LY75: variants seen among roughly 807,000 people sequenced by gnomAD.
LY75 encodes the protein lymphocyte antigen 75.
In LY75, 185 loss-of-function variants were observed where a neutral mutation model predicts 231.7. The observed-to-expected ratio is 0.80, with a 90% CI of 0.71 to 0.90. LY75 has a LOEUF of 0.90. Ranked by LOEUF, LY75 falls within the 40% of genes least tolerant of loss-of-function variation. The pLI, the probability that LY75 is intolerant of heterozygous loss-of-function variation, is 0.00. For synonymous variants in LY75, 668 were observed against 689.0 expected (o/e 0.97, Z 0.48); for missense variants, 1,947 against 2,050.2 (o/e 0.95, Z 0.97).
At chr2:159,833,895 CTT>C (rs1683740235) in intron 27 of LY75, 147 bp downstream of exon 27, 2 of 830,318 alleles carry the variant, frequency 2.4e-6, no homozygotes, top group African/African-American at 3.5e-5. Flanking sequence ...GTAAACATGT[CTT>C]TGCTTCTCCT....
chr2:159,894,100 A>G lies in LY75; in HGVS notation c.467-16T>C, dbSNP rs761453148. On this transcript the variant is annotated splice_polypyrimidine_tract_variant and intron_variant, in intron 2 of 34. Transcript: ENST00000263636. ...GTATAGATCTCTGGGTTGGAGAGGAAGTTGGGGAAAAGAGAGTTAAAAACT... is the reference window on the plus strand; with the variant it reads ...GTATAGATCTCTGGGTTGGAGAGGAGGTTGGGGAAAAGAGAGTTAAAAACT... 1 of 1,578,126 alleles carries G rather than the reference A, an allele frequency of 6.3e-7. No homozygotes were observed. The highest frequency in any genetic ancestry group is 1.9e-5 in the Admixed American group (1 of 52,650).
At chr2:159,885,932 C>T (rs1373149173) in intron 5 of LY75, among the ~76,000 whole-genome samples, 1 of 152,086 alleles carries the variant, frequency 6.6e-6, no homozygotes, top group African/African-American at 2.4e-5. Flanking sequence ...TGGCATTTTG[C>T]TTGTTTTATT....
intron 33 of LY75, chr2:159,807,546 T>C (rs1478639609): frequency 1.6e-5 from 13 of 791,520 alleles, no homozygotes; most frequent in Admixed American, 6.3e-5. Context: ...GATATGCTGG[T>C]GGAAGAGGAA....
intron 33 of LY75, chr2:159,807,933 G>A (rs2125826317): frequency 1.0e-6 from 1 of 978,828 alleles, no homozygotes; most frequent in Non-Finnish European, 1.2e-6. Flanking sequence ...AATGGCAAAA[G>A]CTGCAATTAC....
intron 19 of LY75, 70 bp downstream of exon 19, chr2:159,853,560 C>G: frequency 1.2e-6 from 2 of 1,600,812 alleles, no homozygotes; most frequent in Non-Finnish European, 1.7e-6. Flanking sequence ...AAATAGAAAT[C>G]CATTTAGTAA....
intron 2 of LY75, among the ~76,000 whole-genome samples, chr2:159,896,541 A>G (rs1203673536): frequency 6.6e-6 from 1 of 152,196 alleles, no homozygotes; most frequent in African/African-American, 2.4e-5. Flanking sequence ...GGACTTGGGT[A>G]TCTTGTATGT....
chr2:159,881,284 T>C (rs1211555279), intron 7 of LY75, 44 bp from the exon 8 acceptor site: 2 of 1,581,508 alleles, frequency 1.3e-6, no homozygotes, highest in African/African-American at 1.4e-5. Context: ...CTCAATTAAA[T>C]ACTGTAATAT....
At chr2:159,853,570 A>C in intron 19 of LY75, 60 bp downstream of exon 19, 1 of 1,608,194 alleles carries the variant, frequency 6.2e-7, no homozygotes, top group African/African-American at 1.3e-5. Context: ...CCATTTAGTA[A>C]AAGGAACTGC....
At chr2:159,859,473 C>G in intron 15 of LY75, among the ~76,000 whole-genome samples, 1 of 152,178 alleles carries the variant, frequency 6.6e-6, no homozygotes, top group Non-Finnish European at 1.5e-5. Flanking sequence ...AAATCCACTT[C>G]TTGGCCCTTT....
At chr2:159,885,009 G>T in intron 6 of LY75, 144 bp downstream of exon 6, 1 of 1,091,098 alleles carries the variant, frequency 9.2e-7, no homozygotes, top group South Asian at 1.9e-5. Flanking sequence ...CTAACCACAG[G>T]GTTAAAAATC....
At chr2:159,807,601 A>G (rs1364576134) in intron 33 of LY75, 2 of 984,250 alleles carry the variant, frequency 2.0e-6, no homozygotes, top group Non-Finnish European at 2.4e-6. Context: ...CACCACCACC[A>G]GGACTCCATT....
intron 32 of LY75, among the ~76,000 whole-genome samples, chr2:159,809,144 C>T (rs1217551477): frequency 6.6e-6 from 1 of 152,188 alleles, no homozygotes; most frequent in Non-Finnish European, 1.5e-5. Flanking sequence ...TTCAATCAGT[C>T]AAGTGTCTCC....
intron 31 of LY75, chr2:159,814,076 C>T (rs764230780): frequency 5.3e-5 from 8 of 152,104 alleles, no homozygotes; most frequent in African/African-American, 1.7e-4. Context: ...TTGAATCTGC[C>T]GTTCAAGATT....
At chr2:159,877,028 A>AAAAAAAAAAG (rs1553810533) in intron 11 of LY75, among the ~76,000 whole-genome samples, 2 of 117,160 alleles carry the variant, frequency 1.7e-5, no homozygotes, top group Non-Finnish European at 3.6e-5. Context: ...AAAAAAAAAA[A>AAAAAAAAAAG]AAAAAAGAAA....
Position 159,835,493 on chromosome 2 carries a change from G to T in LY75, c.3660C>A (p.Cys1220Ter). Residue 1220 changes from cysteine (C) to a stop codon, truncating the protein, a stop_gained, in exon 26 of 35, where the codon TGC (cysteine) becomes TGA (stop). Coordinates refer to ENST00000263636, the MANE Select transcript of LY75 (RefSeq NM_002349.4). LOFTEE classifies it high-confidence loss of function. ...DCNDNQPGAI[C>*]YYSGNETEKE... ...AAATTCACATACTTCCTGAATAGTA[G>T]CAAATAGCACCTGGTTGATTGTCAT... is the stretch of plus-strand genomic sequence containing the variant. The T allele has an allele frequency of 6.2e-7, 1 of 1,605,066 alleles. No individual in the cohort carries two copies. The highest frequency in any genetic ancestry group is 1.1e-5 in the South Asian group (1 of 88,198).
Position 159,850,146 on chromosome 2 carries a change from A to G in LY75, c.2990-6T>C. On this transcript the variant is annotated splice_polypyrimidine_tract_variant and splice_region_variant and intron_variant, in intron 22 of 34. Transcript: ENST00000263636. The stretch of plus-strand genomic sequence containing the variant: ...AAGCAAGGATGTAATAAAGTCTGTT[A>G]GAAAGAGATTTTTAAAAAGCATTTG... 6.3e-7 allele frequency: 1 copy of G among 1,590,288 alleles called. No individual in the cohort carries two copies.
intron 14 of LY75, among the ~76,000 whole-genome samples, chr2:159,864,114 A>C (rs2125862616): frequency 6.6e-6 from 1 of 152,298 alleles, no homozygotes; most frequent in Non-Finnish European, 1.5e-5. Flanking sequence ...TTGTTAAGTG[A>C]TGTACGACTG....
At chr2:159,868,624 A>C (rs1684921301) in intron 13 of LY75, among the ~76,000 whole-genome samples, 3 of 152,170 alleles carry the variant, frequency 2.0e-5, no homozygotes, top group Non-Finnish European at 4.4e-5. Flanking sequence ...TTCCTAGTGT[A>C]ATTCGTTCTG....
chr2:159,874,548 C>CTATATAAAGATAT (rs1560093641), intron 12 of LY75, among the ~76,000 whole-genome samples: 1 of 13,872 alleles, frequency 7.2e-5, no homozygotes, highest in African/African-American at 1.6e-4. Context: ...TAAATATGTA[C>CTATATAAAGATAT]ATATTTTGTA....
Sources: allele counts gnomAD v4.1 joint callset (sites outside exome capture counted in the v4.1 genomes callset), GRCh38; gene constraint gnomAD v4.1.1; transcripts MANE v1.5; gene names NCBI Gene and HGNC (gene_info 2026-07-23, HGNC 2026-07-21).